TMEM207: variants seen among roughly 807,000 people sequenced by gnomAD.
TMEM207 encodes the protein SRSR846.
TMEM207 carries 15 observed loss-of-function variants against 17.4 expected under a neutral mutation model. That is an observed-to-expected ratio of 0.86 (90% CI 0.58 to 1.33). The LOEUF (loss-of-function observed/expected upper bound fraction) is 1.33, where lower values mean the gene tolerates loss of function less well. Among genes scored for constraint, TMEM207 ranks in the 40% most tolerant of loss-of-function variants. TMEM207 has a pLI of 0.00. For synonymous variants in TMEM207, 70 were observed against 65.6 expected, an observed-to-expected ratio of 1.07 and a Z score of -0.33; for missense variants, 205 against 173.8, an observed-to-expected ratio of 1.18 and a Z score of -1.01.
intron 2 of TMEM207, among the ~76,000 whole-genome samples, chr3:190,442,164 C>T (rs1326525531): frequency 1.3e-5 from 2 of 152,098 alleles, no homozygotes; most frequent in East Asian, 1.9e-4. Flanking sequence ...GGTATAACTC[C>T]GTAGGTGTAG....
chr3:190,442,777 AG>A, intron 2 of TMEM207, among the ~76,000 whole-genome samples: 1 of 152,334 alleles, frequency 6.6e-6, no homozygotes, highest in South Asian at 2.1e-4. Flanking sequence ...CATACTTACA[AG>A]GGAATATTAT....
At chr3:190,443,320 T>C (rs1719975566) in intron 2 of TMEM207, among the ~76,000 whole-genome samples, 2 of 152,002 alleles carry the variant, frequency 1.3e-5, no homozygotes, top group African/African-American at 2.4e-5. Flanking sequence ...AACCACCTCA[T>C]TGTGTTTCTT....
chr3:190,429,487 T>C lies in TMEM207; in HGVS notation c.*108A>G. The C allele has an allele frequency of 1.4e-6, 2 of 1,468,112 alleles. No homozygotes were observed. Among genetic ancestry groups the C allele is most frequent in the South Asian group, 1.3e-5 (1 of 76,270 alleles). 90.9% of individuals were successfully genotyped at this position (1,468,112 alleles called of 1,614,324 possible). A position where few individuals can be genotyped will look rare whatever the true frequency, so the allele number is the denominator to read the frequency against. ...TCGAATTGTCCTTCCTCAGACTATA[T>C]GAATAGATCTCTGGACATTTCCAAC... On this transcript the variant is annotated 3_prime_UTR_variant, in exon 5 of 5. Coordinates refer to ENST00000354905, the MANE Select transcript of TMEM207 (RefSeq NM_207316.3).
At chr3:190,432,022 G>A (rs1370138768) in intron 4 of TMEM207, among the ~76,000 whole-genome samples, 1 of 152,164 alleles carries the variant, frequency 6.6e-6, no homozygotes, top group East Asian at 1.9e-4. Flanking sequence ...GGATGCTGGG[G>A]AGGACAGGCA....
At chr3:190,429,856 G>A in intron 4 of TMEM207, 125 bp from the exon 5 acceptor site, 2 of 1,219,146 alleles carry the variant, frequency 1.6e-6, no homozygotes, top group South Asian at 3.9e-5. Flanking sequence ...TTGTATCTAT[G>A]AGAAAAAAAT....
At chr3:190,443,881 AATGCG>A in intron 2 of TMEM207, among the ~76,000 whole-genome samples, 1 of 152,186 alleles carries the variant, frequency 6.6e-6, no homozygotes. Flanking sequence ...AGCTGACTAT[AATGCG>A]TAAGAAAGAC....
intron 2 of TMEM207, chr3:190,444,541 A>G: frequency 1.3e-6 from 1 of 790,676 alleles, no homozygotes; most frequent in Non-Finnish European, 1.5e-6. Context: ...CCTGGTGAGG[A>G]TCAGACAGAG....
At chr3:190,436,734 A>G (rs1205777120) in intron 4 of TMEM207, among the ~76,000 whole-genome samples, 1 of 152,210 alleles carries the variant, frequency 6.6e-6, no homozygotes, top group Non-Finnish European at 1.5e-5. Flanking sequence ...TCCAGGTTTC[A>G]AATTGTCTTA....
At chr3:190,435,678 G>A (rs189886348) in intron 4 of TMEM207, among the ~76,000 whole-genome samples, 2 of 152,256 alleles carry the variant, frequency 1.3e-5, no homozygotes, top group East Asian at 1.9e-4. Context: ...CACACTTCAG[G>A]GGTATAGATC....
At chr3:190,439,038 G>A (rs984291344) in intron 4 of TMEM207, among the ~76,000 whole-genome samples, 3 of 152,012 alleles carry the variant, frequency 2.0e-5, no homozygotes, top group South Asian at 2.1e-4. Flanking sequence ...TTAGCCGGGC[G>A]TGGTGGCGGG....
chr3:190,433,061 T>C (rs1220977276), intron 4 of TMEM207, among the ~76,000 whole-genome samples: 1 of 152,184 alleles, frequency 6.6e-6, no homozygotes, highest in Admixed American at 6.5e-5. Context: ...CTTATTTAAA[T>C]GTTATGTAAT....
At chr3:190,439,049 C>T (rs562051595) in intron 4 of TMEM207, among the ~76,000 whole-genome samples, 10 of 151,828 alleles carry the variant, frequency 6.6e-5, no homozygotes, top group East Asian at 1.9e-4. Flanking sequence ...TGGTGGCGGG[C>T]GCCTGTAGTC....
rs151089752 is a variant in TMEM207, at chr3:190,444,623, G to A, written c.114-3141C>T. 6.7e-3 allele frequency among the ~76,000 whole-genome samples: 1,013 copies of A among 152,292 alleles called. 6 individuals carry two copies. Among genetic ancestry groups the A allele is most frequent in the Middle Eastern group, 0.031 (9 of 294 alleles). On this transcript the variant is annotated intron_variant, in intron 2 of 4. Coordinates refer to ENST00000354905, the MANE Select transcript of TMEM207 (RefSeq NM_207316.3). The stretch of plus-strand genomic sequence containing the variant: ...CCGTATATAAAATTTGAATTGAACT[G>A]TAGATCTGACTTAAGCTTCCTAGCA...
intron 4 of TMEM207, among the ~76,000 whole-genome samples, chr3:190,433,918 A>G (rs1356518097): frequency 6.6e-6 from 1 of 151,932 alleles, no homozygotes; most frequent in African/African-American, 2.4e-5. Flanking sequence ...GTGTAACACC[A>G]CCCGCCTCCC....
At chr3:190,430,891 C>A (rs1423617151) in intron 4 of TMEM207, among the ~76,000 whole-genome samples, 1 of 151,974 alleles carries the variant, frequency 6.6e-6, no homozygotes, top group Non-Finnish European at 1.5e-5. Flanking sequence ...TAGGAATATT[C>A]CAAAGAATAT....
chr3:190,444,704 T>C (rs891607255), intron 2 of TMEM207, among the ~76,000 whole-genome samples: 1 of 152,124 alleles, frequency 6.6e-6, no homozygotes, highest in African/African-American at 2.4e-5. Context: ...ATTAACAAAA[T>C]GAACAGCATT....
Position 190,429,553 on chromosome 3 carries a change from C to T in TMEM207, c.*42G>A, listed in dbSNP as rs753994279. On this transcript the variant is annotated 3_prime_UTR_variant, in exon 5 of 5. Transcript: ENST00000354905. ...TCCTAAATTTGATGTTTTGGAATTA[C>T]AGATGTCGTTAATACTTTAAATTGA... 2 of 1,605,860 alleles carry T rather than the reference C, an allele frequency of 1.2e-6. No individual in the cohort carries two copies. The highest frequency in any genetic ancestry group is 1.1e-5 in the South Asian group (1 of 90,408).
chr3:190,431,851 C>T (rs1248007074), intron 4 of TMEM207, among the ~76,000 whole-genome samples: 1 of 152,168 alleles, frequency 6.6e-6, no homozygotes, highest in East Asian at 1.9e-4. Flanking sequence ...TTATCTTCTT[C>T]CTACAAATTT....
chr3:190,444,269 G>A (rs1162272198), intron 2 of TMEM207, among the ~76,000 whole-genome samples: 1 of 152,112 alleles, frequency 6.6e-6, no homozygotes, highest in Non-Finnish European at 1.5e-5. Flanking sequence ...TTTTACAACT[G>A]AGAGAACTCA....
Sources: gnomAD v4.1 joint callset for allele counts (sites outside exome capture counted in the v4.1 genomes callset) on GRCh38, gnomAD v4.1.1 for gene constraint, MANE v1.5 for transcripts, NCBI Gene and HGNC (gene_info 2026-07-23, HGNC 2026-07-21) for gene names.